P2RY14: variants seen among roughly 807,000 people sequenced by gnomAD.
P2RY14 encodes purinergic receptor P2Y14.
A neutral mutation model predicts 0.9 loss-of-function variants in P2RY14; 2 were observed. That is an observed-to-expected ratio of 2.16 (90% CI 0.88 to 6.79). P2RY14 has a LOEUF of 6.79. P2RY14 is among the 30% of genes most tolerant of loss of function. The pLI is 0.05. For synonymous variants in P2RY14, 158 were observed against 147.2 expected (o/e 1.07, Z -0.53); for missense variants, 378 against 400.1 (o/e 0.94, Z 0.47).
chr3:151,259,647 G>A (rs996059171), intron 1 of P2RY14, among the ~76,000 whole-genome samples: 9 of 152,120 alleles, frequency 5.9e-5, no homozygotes, highest in African/African-American at 1.2e-4. Flanking sequence ...AGATAGGTAG[G>A]TTTTACTTTG....
In P2RY14 at chr3:151,212,516, T is replaced by G. The variant is rs1294273231; in HGVS notation, c.*784A>C. 1 of 152,126 alleles carries G rather than the reference T, an allele frequency of 6.6e-6. No individual in the cohort carries two copies. Among genetic ancestry groups the G allele is most frequent in the African/African-American group, 2.4e-5 (1 of 41,436 alleles). The allele number at this position is 152,126 out of a possible 1,614,324, so 9.4% of individuals were successfully genotyped here. ...AGTCATCTTATTTTTCCCATACTATTGAACAGGGGAAGTTGCTGATAACGT... is the reference window on the plus strand; with the variant it reads ...AGTCATCTTATTTTTCCCATACTATGGAACAGGGGAAGTTGCTGATAACGT... On this transcript the variant is annotated 3_prime_UTR_variant, in exon 3 of 3. Transcript: ENST00000309170.
At chr3:151,260,393 A>G (rs1023765719) in intron 1 of P2RY14, among the ~76,000 whole-genome samples, 2 of 152,112 alleles carry the variant, frequency 1.3e-5, no homozygotes, top group African/African-American at 4.8e-5. Context: ...TCTGTTGTCC[A>G]GGCTGGAGTG....
At chr3:151,219,451 T>C (rs1428776105) in intron 2 of P2RY14, 84 bp downstream of exon 2, 1 of 152,238 alleles carries the variant, frequency 6.6e-6, no homozygotes, top group African/African-American at 2.4e-5. Flanking sequence ...TAATTCCTTC[T>C]GTGAAGAAAA....
At chr3:151,247,958 TCTTC>T (rs1398498669) in intron 1 of P2RY14, among the ~76,000 whole-genome samples, 3 of 96,478 alleles carry the variant, frequency 3.1e-5, no homozygotes, top group African/African-American at 6.9e-5. Context: ...TTCTTCTTCT[TCTTC>T]TTTTTTTTTT....
chr3:151,262,469 G>A (rs1469255542), intron 1 of P2RY14, among the ~76,000 whole-genome samples: 1 of 152,220 alleles, frequency 6.6e-6, no homozygotes, highest in Non-Finnish European at 1.5e-5. Flanking sequence ...GCTGGCAACA[G>A]TGGGTGCCTG....
chr3:151,242,468 T>TGACCCCC (rs540316469), intron 1 of P2RY14, among the ~76,000 whole-genome samples: 9 of 151,300 alleles, frequency 5.9e-5, no homozygotes, highest in South Asian at 2.1e-4. Context: ...CCCTGACCCC[T>TGACCCCC]GAGCAGCCTA....
chr3:151,271,508 C>T (rs1416022680), intron 1 of P2RY14, among the ~76,000 whole-genome samples: 1 of 152,074 alleles, frequency 6.6e-6, no homozygotes, highest in East Asian at 1.9e-4. Context: ...TAGGTGTTTA[C>T]CCAGGAGAAG....
chr3:151,260,659 G>A (rs191959502), intron 1 of P2RY14, among the ~76,000 whole-genome samples: 104 of 152,220 alleles, frequency 6.8e-4, no homozygotes, highest in African/African-American at 2.4e-3. Flanking sequence ...CCCTAAAGCT[G>A]GTTTTTAATG....
chr3:151,244,732 T>A, intron 1 of P2RY14, among the ~76,000 whole-genome samples: 1 of 151,388 alleles, frequency 6.6e-6, no homozygotes, highest in Non-Finnish European at 1.5e-5. Flanking sequence ...GCAAACACAT[T>A]CAAAAGCTAG....
chr3:151,235,394 T>C (rs1269514382), intron 1 of P2RY14, among the ~76,000 whole-genome samples: 1 of 152,156 alleles, frequency 6.6e-6, no homozygotes, highest in Non-Finnish European at 1.5e-5. Context: ...GGTTGAAGTT[T>C]GATTCTGAAA....
intron 1 of P2RY14, among the ~76,000 whole-genome samples, chr3:151,243,492 T>C (rs1175364268): frequency 1.1e-4 from 16 of 152,198 alleles, no homozygotes; most frequent in South Asian, 4.2e-4. Context: ...ATTTTCAACC[T>C]GGAATTTCAT....
intron 1 of P2RY14, among the ~76,000 whole-genome samples, chr3:151,249,873 A>G (rs1736492278): frequency 6.6e-6 from 1 of 152,132 alleles, no homozygotes; most frequent in Non-Finnish European, 1.5e-5. Context: ...TGAGTCTCCT[A>G]TACTCCGTCT....
In P2RY14 at chr3:151,234,888, G is replaced by A. The variant is rs1577060892; in HGVS notation, c.-132-15246C>T. ...AGCAGAAGCCTATCCTCAGCTGTGT[G>A]ACTCTTTTACCTATAATAAGAATCT... is the stretch of plus-strand genomic sequence containing the variant. On this transcript the variant is annotated intron_variant, in intron 1 of 2. Coordinates refer to ENST00000309170, the MANE Select transcript of P2RY14 (RefSeq NM_014879.4). Among the ~76,000 whole-genome samples the A allele has an allele frequency of 2.0e-5, 3 of 152,318 alleles. 1 individual carries two copies. In the East Asian group the frequency reaches 5.8e-4, roughly 29 times the overall value.
chr3:151,235,624 G>T (rs1458272541), intron 1 of P2RY14, among the ~76,000 whole-genome samples: 3 of 152,114 alleles, frequency 2.0e-5, no homozygotes, highest in Non-Finnish European at 2.9e-5. Flanking sequence ...AACCTGGGAG[G>T]CAGAGGTCGC....
intron 1 of P2RY14, among the ~76,000 whole-genome samples, chr3:151,263,930 G>C (rs1032803114): frequency 6.6e-6 from 1 of 152,158 alleles, no homozygotes; most frequent in African/African-American, 2.4e-5. Flanking sequence ...TTAATGTTAG[G>C]AATTGTAGAA....
chr3:151,216,399 T>C (rs1001992461), intron 2 of P2RY14, among the ~76,000 whole-genome samples: 2 of 152,174 alleles, frequency 1.3e-5, no homozygotes, highest in Non-Finnish European at 2.9e-5. Flanking sequence ...CATTTAAGCA[T>C]GACAAAGGGA....
At chr3:151,259,516 C>A (rs749619628) in intron 1 of P2RY14, among the ~76,000 whole-genome samples, 3 of 152,176 alleles carry the variant, frequency 2.0e-5, no homozygotes, top group Non-Finnish European at 4.4e-5. Context: ...CTGTCTCAGG[C>A]AAACTGGGGT....
chr3:151,239,947 C>T (rs1733738950), intron 1 of P2RY14, among the ~76,000 whole-genome samples: 1 of 152,098 alleles, frequency 6.6e-6, no homozygotes, highest in Non-Finnish European at 1.5e-5. Flanking sequence ...ACATATCTTT[C>T]ACTTTGTTTT....
chr3:151,233,691 C>A (rs1387331896), intron 1 of P2RY14, among the ~76,000 whole-genome samples: 2 of 152,170 alleles, frequency 1.3e-5, no homozygotes, highest in Non-Finnish European at 2.9e-5. Context: ...CGAGATCGTG[C>A]CATTGCACTC....
Sources: allele counts gnomAD v4.1 joint callset (sites outside exome capture counted in the v4.1 genomes callset), GRCh38; gene constraint gnomAD v4.1.1; transcripts MANE v1.5; gene names NCBI Gene and HGNC (gene_info 2026-07-23, HGNC 2026-07-21).